PCNX2: variants seen among roughly 807,000 people sequenced by gnomAD.
PCNX2 encodes pecanex-like protein 2.
In PCNX2, 168 loss-of-function variants were observed where a neutral mutation model predicts 223.8. The observed-to-expected ratio is 0.75, with a 90% CI of 0.66 to 0.85. PCNX2 has a LOEUF of 0.85. Ranked by LOEUF, PCNX2 falls within the 40% of genes least tolerant of loss-of-function variation. The probability of loss-of-function intolerance (pLI) is 0.00; values close to 1 mark genes in which losing one functional copy is unlikely to be tolerated. For synonymous variants in PCNX2, 1,006 were observed against 1,052.6 expected (o/e 0.96, Z 0.86); for missense variants, 2,507 against 2,675.5 (o/e 0.94, Z 1.39).
chr1:233,028,070 G>A (rs544537576), intron 25 of PCNX2, among the ~76,000 whole-genome samples: 4 of 152,194 alleles, frequency 2.6e-5, no homozygotes, highest in Non-Finnish European at 5.9e-5. Flanking sequence ...TGTAAGTTTC[G>A]AGTTTAATTC....
chr1:233,236,591 G>A (rs1446783876), intron 9 of PCNX2, among the ~76,000 whole-genome samples: 1 of 152,142 alleles, frequency 6.6e-6, no homozygotes, highest in African/African-American at 2.4e-5. Flanking sequence ...CAATGTGCAT[G>A]AATTTCTAAT....
intron 17 of PCNX2, among the ~76,000 whole-genome samples, chr1:233,169,081 TA>T (rs1486296122): frequency 6.6e-6 from 1 of 152,146 alleles, no homozygotes; most frequent in Non-Finnish European, 1.5e-5. Context: ...TATAGGGTTT[TA>T]AAAATCAAAT....
intron 21 of PCNX2, among the ~76,000 whole-genome samples, chr1:233,132,786 T>C (rs1431905714): frequency 2.0e-5 from 3 of 152,236 alleles, no homozygotes; most frequent in African/African-American, 7.2e-5. Flanking sequence ...CATTATTATT[T>C]TCCATTTTAC....
intron 15 of PCNX2, among the ~76,000 whole-genome samples, chr1:233,190,889 T>C (rs1425804677): frequency 6.6e-6 from 1 of 152,192 alleles, no homozygotes; most frequent in Non-Finnish European, 1.5e-5. Flanking sequence ...CTCTGATCAG[T>C]TGGCACTGGC....
intron 22 of PCNX2, among the ~76,000 whole-genome samples, chr1:233,095,179 A>T (rs1305302738): frequency 1.3e-5 from 2 of 152,226 alleles, no homozygotes; most frequent in Non-Finnish European, 2.9e-5. Context: ...AAAATTTGTT[A>T]TGAAGTAAAT....
chr1:233,277,859 C>A (rs1197839156), intron 1 of PCNX2, among the ~76,000 whole-genome samples: 2 of 151,860 alleles, frequency 1.3e-5, no homozygotes, highest in African/African-American at 2.4e-5. Context: ...AAGAGAAGAC[C>A]CATATTTAAG....
intron 1 of PCNX2, among the ~76,000 whole-genome samples, chr1:233,271,069 G>A (rs1370644958): frequency 6.6e-6 from 1 of 152,120 alleles, no homozygotes; most frequent in African/African-American, 2.4e-5. Context: ...AATGGCCATG[G>A]TAAGAGTTAA....
At chr1:233,178,615 A>G (rs537166379) in intron 16 of PCNX2, among the ~76,000 whole-genome samples, 250 of 152,368 alleles carry the variant, frequency 1.6e-3, no homozygotes, top group African/African-American at 5.8e-3. Flanking sequence ...AACAACAACA[A>G]CAAAACAATA....
At chr1:233,302,645 C>CATATATATATATATATATATATAT in the PCNX2 span, among the ~76,000 whole-genome samples, 1 of 147,464 alleles carries the variant, frequency 6.8e-6, no homozygotes, top group Non-Finnish European at 1.5e-5. Context: ...CTCCTTCCAT[C>CATATATATATATATATATATATAT]ATATATATAT....
rs1669664602 is a variant in PCNX2, at chr1:232,990,654, C to T, written c.5792-4114G>A. Among the ~76,000 whole-genome samples, 1 of 152,172 alleles carries T rather than the reference C, an allele frequency of 6.6e-6. No homozygotes were observed. The highest frequency in any genetic ancestry group is 2.4e-5 in the African/African-American group (1 of 41,430). On this transcript the variant is annotated intron_variant, in intron 32 of 33. Coordinates refer to ENST00000258229, the MANE Select transcript of PCNX2 (RefSeq NM_014801.4). The surrounding 1 kb of genome is among the most constrained non-coding windows in gnomAD (Gnocchi z 4.3). The stretch of plus-strand genomic sequence containing the variant: ...GCTGAGCCCAGATCATGCTTACCAC[C>T]CAGCCCAGCACCTCAGAGGTTTCCC...
At chr1:233,121,001 CAA>C (rs1452204798) in intron 21 of PCNX2, among the ~76,000 whole-genome samples, 2 of 151,152 alleles carry the variant, frequency 1.3e-5, no homozygotes, top group Admixed American at 6.6e-5. Flanking sequence ...AGTCAATAAA[CAA>C]AAGTCAATTG....
At chr1:233,015,059 C>A (rs180904792) in intron 27 of PCNX2, among the ~76,000 whole-genome samples, 1 of 152,294 alleles carries the variant, frequency 6.6e-6, no homozygotes, top group Non-Finnish European at 1.5e-5. Flanking sequence ...TATGGCACTT[C>A]AGGTCATAAA....
At chr1:233,097,459 C>T (rs1347136762) in intron 21 of PCNX2, among the ~76,000 whole-genome samples, 2 of 151,918 alleles carry the variant, frequency 1.3e-5, no homozygotes, top group African/African-American at 4.8e-5. Context: ...GTTTTTTGCT[C>T]ATAACTTTTC....
intron 25 of PCNX2, among the ~76,000 whole-genome samples, chr1:233,026,626 T>C (rs1671089390): frequency 6.6e-6 from 1 of 152,162 alleles, no homozygotes; most frequent in African/African-American, 2.4e-5. Flanking sequence ...AGATTCTGGA[T>C]ACATTTGAAA....
intron 25 of PCNX2, among the ~76,000 whole-genome samples, chr1:233,048,596 T>G (rs1671896939): frequency 6.6e-6 from 1 of 152,076 alleles, no homozygotes; most frequent in Non-Finnish European, 1.5e-5. Flanking sequence ...ACATCACACC[T>G]AAAGGAACTA....
intron 25 of PCNX2, among the ~76,000 whole-genome samples, chr1:233,052,637 A>G (rs1188691274): frequency 1.3e-5 from 2 of 152,078 alleles, no homozygotes; most frequent in Non-Finnish European, 2.9e-5. Context: ...AGCTCCTTCC[A>G]TACCTGTCTT....
At chr1:233,217,084 G>A (rs1656992358) in intron 12 of PCNX2, among the ~76,000 whole-genome samples, 1 of 152,148 alleles carries the variant, frequency 6.6e-6, no homozygotes, top group Non-Finnish European at 1.5e-5. Flanking sequence ...GGAAAGATTG[G>A]CTAAAGGGTA....
At chr1:233,142,454 C>T (rs902936647) in intron 19 of PCNX2, among the ~76,000 whole-genome samples, 1 of 152,198 alleles carries the variant, frequency 6.6e-6, no homozygotes, top group Non-Finnish European at 1.5e-5. Context: ...GCATCCTGTG[C>T]TCCTGCCATC....
At chr1:233,160,478 G>A (rs1253338575) in intron 18 of PCNX2, 45 bp from the exon 19 acceptor site, 4 of 1,579,200 alleles carry the variant, frequency 2.5e-6, no homozygotes, top group Non-Finnish European at 2.6e-6. Flanking sequence ...CCTAGAGGAT[G>A]GGGAGAGGGA....
Sources: gnomAD v4.1 joint callset for allele counts (sites outside exome capture counted in the v4.1 genomes callset) on GRCh38, gnomAD v4.1.1 for gene constraint, Gnocchi (gnomAD v3.1) non-coding constraint, MANE v1.5 for transcripts, NCBI Gene and HGNC (gene_info 2026-07-23, HGNC 2026-07-21) for gene names.